NREP: variants seen among roughly 807,000 people sequenced by gnomAD.
NREP encodes the protein neuronal regeneration related protein.
NREP carries 5 observed loss-of-function variants against 8.6 expected under a neutral mutation model. The observed-to-expected ratio is 0.58, with a 90% CI of 0.30 to 1.22. The LOEUF (loss-of-function observed/expected upper bound fraction) is 1.22. Among genes scored for constraint, NREP ranks in the 50% most tolerant of loss-of-function variants. NREP has a pLI of 0.07. For missense variants in NREP, 86 were observed against 82.5 expected (o/e 1.04, Z -0.17); for synonymous variants, 27 against 28.0 (o/e 0.96, Z 0.11).
At chr5:111,747,765 G>A (rs1561643826) in intron 2 of NREP, among the ~76,000 whole-genome samples, 1 of 152,034 alleles carries the variant, frequency 6.6e-6, no homozygotes, top group South Asian at 2.1e-4. Flanking sequence ...TTGAATATAA[G>A]TTATATTTAT....
chr5:111,926,450 C>A (rs943827164), intron 2 of NREP, among the ~76,000 whole-genome samples: 22 of 152,206 alleles, frequency 1.4e-4, no homozygotes, highest in African/African-American at 4.6e-4. Context: ...TCCCACAGGG[C>A]AAAGAAAGCC....
chr5:111,936,393 C>T (rs1301335307), intron 2 of NREP, among the ~76,000 whole-genome samples: 1 of 152,038 alleles, frequency 6.6e-6, no homozygotes, highest in Non-Finnish European at 1.5e-5. Context: ...TCCCCTTCAC[C>T]TTTCACCATA....
intron 2 of NREP, among the ~76,000 whole-genome samples, chr5:111,914,921 A>G (rs1044692047): frequency 6.6e-6 from 1 of 152,106 alleles, no homozygotes; most frequent in Non-Finnish European, 1.5e-5. Flanking sequence ...TTTTATCAAA[A>G]TCTTGCTCTT....
intron 2 of NREP, among the ~76,000 whole-genome samples, chr5:111,950,922 A>C (rs895513560): frequency 1.3e-5 from 2 of 152,076 alleles, no homozygotes; most frequent in African/African-American, 4.8e-5. Context: ...AGCTTAAGAA[A>C]TAAAACCTTC....
intron 2 of NREP, among the ~76,000 whole-genome samples, chr5:111,801,056 C>T (rs998315704): frequency 5.3e-5 from 8 of 152,200 alleles, no homozygotes; most frequent in African/African-American, 1.9e-4. Flanking sequence ...AGCTTGTCTC[C>T]TCCACTACCA....
intron 1 of NREP, among the ~76,000 whole-genome samples, chr5:111,975,755 T>C (rs910926817): frequency 2.6e-5 from 4 of 152,210 alleles, no homozygotes; most frequent in African/African-American, 9.6e-5. Flanking sequence ...AAATTACAAA[T>C]GCTTAAAACC....
intron 2 of NREP, among the ~76,000 whole-genome samples, chr5:111,965,857 T>C (rs1756629556): frequency 6.6e-6 from 1 of 152,186 alleles, no homozygotes; most frequent in Non-Finnish European, 1.5e-5. Context: ...TTACAAGTGC[T>C]TGATATGTCT....
chr5:111,834,430 C>A (rs56212326), intron 2 of NREP, among the ~76,000 whole-genome samples: 3,229 of 152,162 alleles, frequency 0.021, 52 homozygotes, highest in Non-Finnish European at 0.033. Context: ...TAGTTATTTT[C>A]AAACTAATAA....
chr5:111,904,778 T>C (rs771628477), intron 2 of NREP, among the ~76,000 whole-genome samples: 1 of 152,048 alleles, frequency 6.6e-6, no homozygotes, highest in Non-Finnish European at 1.5e-5. Context: ...AGGAGAACAA[T>C]TGTTTTTCCT....
chr5:111,827,352 GCTA>G (rs1394705879), intron 2 of NREP, among the ~76,000 whole-genome samples: 5 of 152,152 alleles, frequency 3.3e-5, no homozygotes, highest in Non-Finnish European at 7.4e-5. Context: ...GTTGTTTGGG[GCTA>G]CTAATATTTT....
chr5:111,910,412 G>T (rs931195081), intron 2 of NREP, among the ~76,000 whole-genome samples: 1 of 151,908 alleles, frequency 6.6e-6, no homozygotes, highest in Non-Finnish European at 1.5e-5. Flanking sequence ...GCGACAAATT[G>T]GCTGCTATCT....
intron 2 of NREP, among the ~76,000 whole-genome samples, chr5:111,924,111 G>A (rs973700374): frequency 1.3e-5 from 2 of 152,086 alleles, no homozygotes; most frequent in African/African-American, 4.8e-5. Flanking sequence ...CCAATGCTCT[G>A]GACCCTTCAG....
At chr5:111,763,759 T>A (rs1751018689) in intron 2 of NREP, among the ~76,000 whole-genome samples, 1 of 64,720 alleles carries the variant, frequency 1.5e-5, no homozygotes, top group African/African-American at 4.5e-5. Flanking sequence ...TCTGTATGTG[T>A]GTGTGTGTGT....
intron 2 of NREP, among the ~76,000 whole-genome samples, chr5:111,821,204 G>A (rs1371355693): frequency 6.6e-6 from 1 of 152,142 alleles, no homozygotes; most frequent in East Asian, 1.9e-4. Context: ...GTGCAGTGTA[G>A]CAGCCCTGTT....
intron 3 of NREP, 29 bp from the exon 4 acceptor site, chr5:111,731,075 C>A (rs1170915118): frequency 6.2e-7 from 1 of 1,607,408 alleles, no homozygotes; most frequent in Non-Finnish European, 8.5e-7. Flanking sequence ...CACACACAGA[C>A]AGACACACAT....
intron 2 of NREP, among the ~76,000 whole-genome samples, chr5:111,909,953 G>A (rs2112561139): frequency 6.6e-6 from 1 of 152,172 alleles, no homozygotes; most frequent in Non-Finnish European, 1.5e-5. Context: ...ATGATTAAAT[G>A]CCTGGGCCAC....
intron 2 of NREP, among the ~76,000 whole-genome samples, chr5:111,835,793 G>C (rs902211196): frequency 1.1e-4 from 16 of 152,044 alleles, no homozygotes; most frequent in African/African-American, 3.9e-4. Flanking sequence ...GCTGAAGATA[G>C]GGGGAAAAAG....
At chr5:111,912,627 C>G (rs1754944099) in intron 2 of NREP, 1 of 152,112 alleles carries the variant, frequency 6.6e-6, no homozygotes, top group African/African-American at 2.4e-5. Context: ...CTTTTGCAAG[C>G]TGTTTCCATT....
intron 2 of NREP, among the ~76,000 whole-genome samples, chr5:111,937,532 G>C (rs1226381341): frequency 6.6e-6 from 1 of 152,020 alleles, no homozygotes; most frequent in Non-Finnish European, 1.5e-5. Context: ...TGCATACAGA[G>C]AAAAGGAGCA....
Sources: gnomAD v4.1 joint callset for allele counts (sites outside exome capture counted in the v4.1 genomes callset) on GRCh38, gnomAD v4.1.1 for gene constraint, MANE v1.5 for transcripts, NCBI Gene and HGNC (gene_info 2026-07-23, HGNC 2026-07-21) for gene names.